The following SYN3 variants were observed in gnomAD, a reference collection of about 807,000 sequenced individuals.
The protein encoded by SYN3 is synapsin III.
Under a neutral mutation model 65.8 loss-of-function variants are expected in SYN3, and 35 were observed. That is an observed-to-expected ratio of 0.53 (90% CI 0.41 to 0.70). The LOEUF is 0.70. Among genes scored for constraint, SYN3 ranks in the 30% least tolerant of loss-of-function variants. The probability of loss-of-function intolerance (pLI) is 0.00; values close to 1 mark genes in which losing one functional copy is unlikely to be tolerated. For synonymous variants in SYN3, 270 were observed against 292.9 expected (o/e 0.92, Z 0.80); for missense variants, 680 against 749.0 (o/e 0.91, Z 1.08).
chr22:32,616,065 C>T (rs1384617992), intron 6 of SYN3, among the ~76,000 whole-genome samples: 1 of 152,208 alleles, frequency 6.6e-6, no homozygotes, highest in African/African-American at 2.4e-5. Flanking sequence ...CCAGGAGTTC[C>T]CTGCAAGCTG....
intron 10 of SYN3, among the ~76,000 whole-genome samples, chr22:32,533,012 G>C (rs909949153): frequency 2.0e-5 from 3 of 151,982 alleles, no homozygotes; most frequent in Non-Finnish European, 1.5e-5. Context: ...GGAGGGGACG[G>C]GAGGGCTGTG....
chr22:32,984,502 G>A (rs2052467996), intron 2 of SYN3, among the ~76,000 whole-genome samples: 1 of 152,154 alleles, frequency 6.6e-6, no homozygotes, highest in African/African-American at 2.4e-5. Flanking sequence ...GCCACCCCTT[G>A]GAAAATGGAC....
rs541951897 is a variant in SYN3 at position 32,833,084 on chromosome 22, A to G, written c.711+31831T>C. On this transcript the variant is annotated intron_variant, in intron 6 of 13. Coordinates refer to ENST00000358763, the MANE Select transcript of SYN3 (RefSeq NM_003490.4). ...AACACTAGAAGTACTTAAATAGATG[A>G]TGGTGAAGTCTCAAGCTGTCCTACC... 3.9e-5 allele frequency among the ~76,000 whole-genome samples: 6 copies of G among 152,284 alleles called. No individual in the cohort carries two copies. The East Asian group carries it at 9.6e-4, about 24-fold the overall frequency.
At chr22:32,737,006 C>T (rs1429312645) in intron 6 of SYN3, among the ~76,000 whole-genome samples, 8 of 152,174 alleles carry the variant, frequency 5.3e-5, no homozygotes, top group African/African-American at 1.7e-4. Context: ...TCCAAAACAC[C>T]AGCCACAGAA....
chr22:32,637,638 T>C (rs1358277545), intron 6 of SYN3, among the ~76,000 whole-genome samples: 397 of 85,776 alleles, frequency 4.6e-3, no homozygotes, highest in African/African-American at 0.017. Flanking sequence ...TTCTTTTTTT[T>C]TTTTTTTTTT....
In SYN3 at chr22:32,762,706, G is replaced by A. The variant is rs983757749; in HGVS notation, c.711+102209C>T. ...GCTGATGGACAGAGCGAGGTGGGGC[G>A]GGCGCCCTTGCATGAAAGTCACATG... On this transcript the variant is annotated intron_variant, in intron 6 of 13. Coordinates refer to ENST00000358763, the MANE Select transcript of SYN3 (RefSeq NM_003490.4). Among the ~76,000 whole-genome samples, 6 of 152,324 alleles carry A rather than the reference G, an allele frequency of 3.9e-5. No homozygotes were observed. In the South Asian group the frequency reaches 8.3e-4, roughly 21 times the overall value.
intron 6 of SYN3, among the ~76,000 whole-genome samples, chr22:32,704,751 T>C (rs5998594): frequency 0.31 from 47,291 of 152,128 alleles, 7,831 homozygotes; most frequent in Middle Eastern, 0.4. Flanking sequence ...ATAAAAGCCA[T>C]TCTGACTGAT....
intron 4 of SYN3, among the ~76,000 whole-genome samples, chr22:32,893,161 C>G (rs5749537): frequency 0.13 from 20,054 of 152,138 alleles, 1,709 homozygotes; most frequent in East Asian, 0.29. Flanking sequence ...ACACTCTGAC[C>G]CTTCTTCATC....
chr22:32,998,615 A>G (rs569217692), intron 2 of SYN3, among the ~76,000 whole-genome samples: 1 of 151,982 alleles, frequency 6.6e-6, no homozygotes, highest in Non-Finnish European at 1.5e-5. Flanking sequence ...CTCCCCCAAC[A>G]GCCCTCCTCC....
At chr22:32,897,396 G>A (rs778797637) in intron 4 of SYN3, among the ~76,000 whole-genome samples, 1 of 152,186 alleles carries the variant, frequency 6.6e-6, no homozygotes, top group East Asian at 1.9e-4. Context: ...TGGGAACTGG[G>A]TCCTTGCCTT....
intron 2 of SYN3, among the ~76,000 whole-genome samples, chr22:33,004,269 G>A (rs1429584647): frequency 1.3e-5 from 2 of 152,196 alleles, no homozygotes; most frequent in African/African-American, 4.8e-5. Flanking sequence ...CCAGACCCCA[G>A]AATGGTAGAT....
intron 1 of SYN3, among the ~76,000 whole-genome samples, chr22:33,036,196 G>C (rs890750244): frequency 6.6e-6 from 1 of 152,168 alleles, no homozygotes; most frequent in African/African-American, 2.4e-5. Flanking sequence ...CCTCGGAAAA[G>C]CAGCCTCAGA....
chr22:32,840,648 C>T (rs2047871107), intron 6 of SYN3, among the ~76,000 whole-genome samples: 1 of 152,046 alleles, frequency 6.6e-6, no homozygotes, highest in Non-Finnish European at 1.5e-5. Context: ...GCCCCCTCCG[C>T]CCCCCACCCA....
At chr22:32,573,419 T>C (rs1328218401) in intron 7 of SYN3, among the ~76,000 whole-genome samples, 1 of 152,082 alleles carries the variant, frequency 6.6e-6, no homozygotes, top group Non-Finnish European at 1.5e-5. Context: ...ATACTGGTGA[T>C]TTTGTCAACA....
In SYN3 at chr22:32,511,835, T is replaced by C. The variant is rs1037370225; in HGVS notation, c.*1857A>G. ...TTATTGAATCCCAGACCAAGAGTCT[T>C]GAACAGGAGGAGAGAGAGGACTTCT... is the stretch of plus-strand genomic sequence containing the variant. On this transcript the variant is annotated 3_prime_UTR_variant, in exon 14 of 14. Coordinates refer to ENST00000358763, the MANE Select transcript of SYN3 (RefSeq NM_003490.4). Among the ~76,000 whole-genome samples the C allele has an allele frequency of 4.6e-5, 7 of 152,202 alleles. No homozygotes were observed. The highest frequency in any genetic ancestry group is 8.8e-5 in the Non-Finnish European group (6 of 68,048).
chr22:32,657,037 C>T (rs938249243), intron 6 of SYN3, among the ~76,000 whole-genome samples: 1 of 152,148 alleles, frequency 6.6e-6, no homozygotes, highest in African/African-American at 2.4e-5. Flanking sequence ...GAGATCCCCT[C>T]CCAGGCATCC....
intron 7 of SYN3, among the ~76,000 whole-genome samples, chr22:32,592,783 C>T (rs777704870): frequency 2.8e-4 from 43 of 152,292 alleles, no homozygotes; most frequent in Non-Finnish European, 4.6e-4. Flanking sequence ...TTCTACCAGG[C>T]CCCCAACAAC....
intron 7 of SYN3, among the ~76,000 whole-genome samples, chr22:32,562,811 C>T (rs2058605649): frequency 6.6e-6 from 1 of 152,266 alleles, no homozygotes; most frequent in African/African-American, 2.4e-5. Context: ...GCCATGTCTG[C>T]AGGTGATTGG....
intron 6 of SYN3, among the ~76,000 whole-genome samples, chr22:32,648,203 T>C (rs1044475227): frequency 1.3e-5 from 2 of 152,204 alleles, no homozygotes; most frequent in African/African-American, 4.8e-5. Context: ...GTTTGGTTCC[T>C]GTGCTCTTTC....
Sources: gnomAD v4.1 joint callset for allele counts (sites outside exome capture counted in the v4.1 genomes callset) on GRCh38, gnomAD v4.1.1 for gene constraint, MANE v1.5 for transcripts, NCBI Gene and HGNC (gene_info 2026-07-23, HGNC 2026-07-21) for gene names.